Variants in NKAIN1 observed in about 807,000 individuals in gnomAD.
NKAIN1 encodes sodium/potassium transporting ATPase interacting 1, also known as sodium/potassium-transporting ATPase subunit beta-1-interacting protein 1.
In NKAIN1, 13 loss-of-function variants were observed where a neutral mutation model predicts 31.6. The ratio of observed to expected loss-of-function variants is 0.41; its 90% CI spans 0.27 to 0.65. The LOEUF (loss-of-function observed/expected upper bound fraction) is 0.65, where lower values mean the gene tolerates loss of function less well. NKAIN1 is among the 30% of genes least tolerant of loss of function. The probability of loss-of-function intolerance (pLI) is 0.30; values close to 1 mark genes in which losing one functional copy is unlikely to be tolerated. For synonymous variants in NKAIN1, 104 were observed against 109.0 expected (o/e 0.95, Z 0.28); for missense variants, 193 against 262.2 (o/e 0.74, Z 1.82).
rs146327289 is a variant in NKAIN1 at position 31,192,653 on chromosome 1, C to T, written c.55-4466G>A. 4.2e-3 allele frequency among the ~76,000 whole-genome samples: 637 copies of T among 152,040 alleles called. 37 individuals are homozygous for T. The East Asian group carries it at 0.099, about 24-fold the overall frequency. ...GCAAGCTCCACTTCCGGGGTTCACGCCATTCTCCTGCCTCAGCCTCCCGAG... is the reference window on the plus strand; with the variant it reads ...GCAAGCTCCACTTCCGGGGTTCACGTCATTCTCCTGCCTCAGCCTCCCGAG... On this transcript the variant is annotated intron_variant, in intron 1 of 6. Coordinates refer to ENST00000373736, the MANE Select transcript of NKAIN1 (RefSeq NM_024522.3).
chr1:31,238,813 C>T (rs1479827028), intron 1 of NKAIN1, among the ~76,000 whole-genome samples: 1 of 152,152 alleles, frequency 6.6e-6, no homozygotes, highest in East Asian at 1.9e-4. Context: ...CAGGCTGGCC[C>T]AGGATCTGGC....
In NKAIN1 at chr1:31,197,545, CT is replaced by C. The variant is rs754860679; in HGVS notation, c.55-9359del. ...ACAGGCATGAGCCACCGTGCCCGGC[CT>C]TTTTTTTTTTTTTTCCCTGAGATGG... On this transcript the variant is annotated intron_variant, in intron 1 of 6. Transcript: ENST00000373736. Among the ~76,000 whole-genome samples the C allele has an allele frequency of 6.7e-4, 75 of 111,376 alleles. 2 individuals are homozygous for C. Among genetic ancestry groups the C allele is most frequent in the Admixed American group, 7.3e-4 (7 of 9,650 alleles). The allele number at this position is 111,376 out of a possible 152,430, so 73.1% of individuals were successfully genotyped here.
rs369142821 is a variant in NKAIN1 at position 31,223,101 on chromosome 1, G to T, written c.54+16393C>A. On this transcript the variant is annotated intron_variant, in intron 1 of 6. Transcript: ENST00000373736. ...TCAGAAATGCTCCATAAACGGCCAG[G>T]CGCGGCGGCTCACGCCTGTAATCCC... is the stretch of plus-strand genomic sequence containing the variant. 5.1e-3 allele frequency among the ~76,000 whole-genome samples: 781 copies of T among 152,294 alleles called. 6 individuals are homozygous for T. The highest frequency in any genetic ancestry group is 0.017 in the African/African-American group (719 of 41,576).
chr1:31,189,547 C>T (rs1645270162), intron 1 of NKAIN1, among the ~76,000 whole-genome samples: 1 of 152,116 alleles, frequency 6.6e-6, no homozygotes, highest in Non-Finnish European at 1.5e-5. Flanking sequence ...GAACTCCTGA[C>T]CTCAAATGAT....
Position 31,182,653 on chromosome 1 carries a change from G to A in NKAIN1, c.472-63C>T, listed in dbSNP as rs373396316. The A allele has an allele frequency of 1.1e-5, 18 of 1,586,678 alleles. No individual in the cohort carries two copies. In the African/African-American group the frequency reaches 2.3e-4, roughly 20 times the overall value. ...GTGGGAACCTCTTCCTCCGCCCCCT[G>A]CCGGGCCCTGTACGCTCTGACTGGC... On this transcript the variant is annotated intron_variant, in intron 4 of 6. Transcript: ENST00000373736.
intron 1 of NKAIN1, among the ~76,000 whole-genome samples, chr1:31,228,980 AGCT>A (rs1569584215): frequency 6.6e-6 from 1 of 152,236 alleles, no homozygotes; most frequent in East Asian, 1.9e-4. Context: ...AGGGTCTGAA[AGCT>A]GCTAACAGAG....
intron 1 of NKAIN1, among the ~76,000 whole-genome samples, chr1:31,203,594 T>TTTTC (rs1234575075): frequency 2.0e-5 from 3 of 151,152 alleles, no homozygotes; most frequent in Admixed American, 2.0e-4. Flanking sequence ...GTAATTTTTT[T>TTTTC]TTTTTTTTGA....
chr1:31,220,003 ATTTTTTT>A (rs11453918), intron 1 of NKAIN1, among the ~76,000 whole-genome samples: 21 of 127,782 alleles, frequency 1.6e-4, no homozygotes, highest in African/African-American at 6.4e-4. Flanking sequence ...GAACACTCAG[ATTTTTTT>A]TTTTTTTTTT....
chr1:31,238,417 G>A (rs1447066877), intron 1 of NKAIN1, among the ~76,000 whole-genome samples: 1 of 152,180 alleles, frequency 6.6e-6, no homozygotes, highest in African/African-American at 2.4e-5. Flanking sequence ...CGGCGATGGA[G>A]GTCCCCATGC....
At chr1:31,210,257 G>T (rs1207775794) in intron 1 of NKAIN1, among the ~76,000 whole-genome samples, 1 of 151,238 alleles carries the variant, frequency 6.6e-6, no homozygotes, top group Non-Finnish European at 1.5e-5. Flanking sequence ...AAGCTATTAG[G>T]TTTGGTGCAA....
rs371123492 is a variant in NKAIN1 at position 31,232,396 on chromosome 1, CATATAT to C, written c.54+7092_54+7097del. 5.6e-3 allele frequency among the ~76,000 whole-genome samples: 36 copies of C among 6,402 alleles called. 1 individual carries two copies. Among genetic ancestry groups the C allele is most frequent in the African/African-American group, 8.0e-3 (32 of 4,022 alleles). The allele number at this position is 6,402 out of a possible 152,430, so 4.2% of individuals were successfully genotyped here. A position where few individuals can be genotyped will look rare whatever the true frequency, so the allele number is the denominator to read the frequency against. On this transcript the variant is annotated intron_variant, in intron 1 of 6. Coordinates refer to ENST00000373736, the MANE Select transcript of NKAIN1 (RefSeq NM_024522.3). ...ATGAGCCACCGTGTCTGGCCTACTT[CATATAT>C]ATATATATATATATATATATATAGA... is the stretch of plus-strand genomic sequence containing the variant.
intron 1 of NKAIN1, among the ~76,000 whole-genome samples, chr1:31,198,702 C>T (rs1645349872): frequency 6.6e-6 from 1 of 152,044 alleles, no homozygotes; most frequent in South Asian, 2.1e-4. Context: ...TGCTGCCCTT[C>T]CCCCTGCCCT....
intron 1 of NKAIN1, among the ~76,000 whole-genome samples, chr1:31,213,693 G>A (rs531532194): frequency 6.6e-6 from 1 of 152,238 alleles, no homozygotes; most frequent in South Asian, 2.1e-4. Flanking sequence ...TCTGATGGAT[G>A]GATAAAAAAT....
chr1:31,226,349 C>G (rs1645604296), intron 1 of NKAIN1, among the ~76,000 whole-genome samples: 1 of 151,778 alleles, frequency 6.6e-6, no homozygotes, highest in Admixed American at 6.6e-5. Flanking sequence ...AGCCCCACTT[C>G]TAGTGACCAA....
chr1:31,185,784 TTAAGCAATCCCTAGG>T, intron 2 of NKAIN1, among the ~76,000 whole-genome samples: 1 of 152,290 alleles, frequency 6.6e-6, no homozygotes, highest in East Asian at 1.9e-4. Flanking sequence ...AAGGGATTGC[TTAAGCAATCCCTAGG>T]AGATTGTGAC....
At chr1:31,218,071 T>TCTCTCTCTCTCTCTCTCTCTC (rs201070152) in intron 1 of NKAIN1, among the ~76,000 whole-genome samples, 2 of 133,616 alleles carry the variant, frequency 1.5e-5, no homozygotes, top group African/African-American at 5.7e-5. Flanking sequence ...TTTCTTTCTT[T>TCTCTCTCTCTCTCTCTCTCTC]TTTTTTTTTG....
In NKAIN1 at chr1:31,181,855, C is replaced by T. The variant is rs1311853763; in HGVS notation, c.614+5G>A. On this transcript the variant is annotated splice_donor_5th_base_variant and intron_variant, in intron 6 of 6. Transcript: ENST00000373736. ...TCCCCAAGCCAGCAGGGGGCCGTGACCCACGTGTACAGAGGCTGCAGCTGT... is the reference window on the plus strand; with the variant it reads ...TCCCCAAGCCAGCAGGGGGCCGTGATCCACGTGTACAGAGGCTGCAGCTGT... 6.2e-7 allele frequency: 1 copy of T among 1,604,748 alleles called. No homozygotes were observed. The highest frequency in any genetic ancestry group is 1.1e-5 in the South Asian group (1 of 89,030).
chr1:31,211,821 A>G (rs1645471911), intron 1 of NKAIN1, among the ~76,000 whole-genome samples: 1 of 152,152 alleles, frequency 6.6e-6, no homozygotes, highest in Admixed American at 6.5e-5. Flanking sequence ...GCATGCCTGT[A>G]GTCCTAGCTA....
chr1:31,202,970 C>A (rs1198057400), intron 1 of NKAIN1, among the ~76,000 whole-genome samples: 1 of 88,312 alleles, frequency 1.1e-5, no homozygotes. Flanking sequence ...AGCGAGATTC[C>A]GTCTTAAAAA....
Sources: allele counts gnomAD v4.1 joint callset (sites outside exome capture counted in the v4.1 genomes callset), GRCh38; gene constraint gnomAD v4.1.1; transcripts MANE v1.5; gene names NCBI Gene and HGNC (gene_info 2026-07-23, HGNC 2026-07-21).